Variants in VWDE observed in about 807,000 individuals in gnomAD.
The protein encoded by VWDE is von Willebrand factor D and EGF domain-containing protein.
VWDE carries 207 observed loss-of-function variants against 178.4 expected under a neutral mutation model. The ratio of observed to expected loss-of-function variants is 1.16; its 90% CI spans 1.04 to 1.30. The LOEUF (loss-of-function observed/expected upper bound fraction) is 1.30, where lower values mean the gene tolerates loss of function less well. Ranked by LOEUF, VWDE falls within the 50% of genes most tolerant of loss-of-function variation. The pLI, the probability that VWDE is intolerant of heterozygous loss-of-function variation, is 0.00. For synonymous variants in VWDE, 738 were observed against 651.4 expected, an observed-to-expected ratio of 1.13 and a Z score of -2.02; for missense variants, 2,287 against 1,901.3, an observed-to-expected ratio of 1.20 and a Z score of -3.77.
rs775819907 is a variant in VWDE at position 12,377,913 on chromosome 7, G to A, written c.887C>T (p.Pro296Leu). 19 of 1,416,598 alleles carry A rather than the reference G, an allele frequency of 1.3e-5. No individual in the cohort carries two copies. The East Asian group carries it at 5.2e-4, about 39-fold the overall frequency. The allele number at this position is 1,416,598 out of a possible 1,614,324, so 87.8% of individuals were successfully genotyped here. A position where few individuals can be genotyped will look rare whatever the true frequency, so the allele number is the denominator to read the frequency against. ...ATCCTCTGATATAGTGCTCAATTCA[G>A]GCTGTAGCTGGTATAAGAAAATACG... ...QEFFAGFKLQ[P>L]ELSTISEDGK... is the part of the protein sequence containing the mutation. The change falls in exon 7 of 29, where the codon CCT becomes CTT. Residue 296 changes from proline to leucine, a missense_variant. Coordinates refer to ENST00000275358, the MANE Select transcript of VWDE (RefSeq NM_001135924.3).
At chr7:12,363,380 T>A (rs1782685012) in intron 13 of VWDE, among the ~76,000 whole-genome samples, 1 of 152,000 alleles carries the variant, frequency 6.6e-6, no homozygotes, top group African/African-American at 2.4e-5. Context: ...AAGAGCTAAA[T>A]CATAATGTGC....
intron 18 of VWDE, among the ~76,000 whole-genome samples, chr7:12,355,467 T>C (rs1420159860): frequency 6.6e-6 from 1 of 151,740 alleles, no homozygotes; most frequent in African/African-American, 2.4e-5. Context: ...AATATTCTGC[T>C]CAGTTCTACT....
intron 3 of VWDE, among the ~76,000 whole-genome samples, chr7:12,386,052 C>T (rs1001916024): frequency 7.3e-5 from 11 of 151,652 alleles, no homozygotes; most frequent in African/African-American, 2.7e-4. Context: ...TATGTTATTC[C>T]CTGGTGTGAA....
At chr7:12,374,888 G>T in intron 8 of VWDE, 122 bp downstream of exon 8, 3 of 1,172,712 alleles carry the variant, frequency 2.6e-6, no homozygotes, top group Non-Finnish European at 2.4e-6. Flanking sequence ...ATTGAAAATT[G>T]AATCATTTAA....
chr7:12,351,409 T>C (rs915764790), intron 19 of VWDE, among the ~76,000 whole-genome samples, 164 bp downstream of exon 19: 1 of 152,164 alleles, frequency 6.6e-6, no homozygotes, highest in African/African-American at 2.4e-5. Context: ...AGCCAGATGA[T>C]TGAATAGATT....
At chr7:12,378,775 T>C (rs956430385) in intron 6 of VWDE, among the ~76,000 whole-genome samples, 1 of 152,220 alleles carries the variant, frequency 6.6e-6, no homozygotes, top group Non-Finnish European at 1.5e-5. Flanking sequence ...TGTGTGTACA[T>C]GGACTTTATT....
At chr7:12,372,699 T>A (rs1218477193) in intron 10 of VWDE, among the ~76,000 whole-genome samples, 2 of 152,116 alleles carry the variant, frequency 1.3e-5, no homozygotes, top group Admixed American at 1.3e-4. Context: ...TAATATACTA[T>A]TTATTACACG....
chr7:12,401,091 C>A (rs1784872072), intron 1 of VWDE, among the ~76,000 whole-genome samples: 2 of 152,000 alleles, frequency 1.3e-5, no homozygotes, highest in Admixed American at 1.3e-4. Flanking sequence ...ACGAAAATCC[C>A]ATAGCTTACA....
chr7:12,346,628 G>A (rs1781614473), intron 19 of VWDE, among the ~76,000 whole-genome samples: 1 of 151,028 alleles, frequency 6.6e-6, no homozygotes, highest in African/African-American at 2.4e-5. Context: ...GGGGCGGGGG[G>A]GATCATTATT....
chr7:12,379,546 G>A lies in VWDE; in HGVS notation c.810C>T (p.Val270=). The A allele has an allele frequency of 6.5e-7, 1 of 1,549,226 alleles. No individual in the cohort carries two copies. Among genetic ancestry groups the A allele is most frequent in the Non-Finnish European group, 8.7e-7 (1 of 1,145,982 alleles). ...LGDRIFCSAS[V]FFLENPHVQS... ...GTACATGAGGATTCTCCAAGAAAAA[G>A]ACAGAAGCGCTGCAGAATATCTATG... The change falls in exon 6 of 29, where the codon GTC becomes GTT. Residue 270 remains valine (V), a synonymous_variant. Coordinates refer to ENST00000275358, the MANE Select transcript of VWDE (RefSeq NM_001135924.3).
chr7:12,345,463 G>A (rs1218938054), intron 19 of VWDE, among the ~76,000 whole-genome samples: 1 of 152,120 alleles, frequency 6.6e-6, no homozygotes, highest in Non-Finnish European at 1.5e-5. Flanking sequence ...ATCTGAGCTT[G>A]GCACACAGGA....
chr7:12,389,222 C>G lies in VWDE; in HGVS notation c.380G>C (p.Cys127Ser). 1 of 1,551,674 alleles carries G rather than the reference C, an allele frequency of 6.4e-7. No homozygotes were observed. The highest frequency in any genetic ancestry group is 8.7e-7 in the Non-Finnish European group (1 of 1,147,006). Residue 127 changes from cysteine to serine, a missense_variant, in exon 3 of 29, where the codon TGT becomes TCT. Cys to Ser is a moderately radical substitution (Grantham distance 112). Transcript: ENST00000275358. Reference protein sequence around the residue: ...QFLFSTTKDCCLFQIPVSVRN... With the variant: ...QFLFSTTKDCSLFQIPVSVRN... ...TACAGACACTGGGATTTGAAAGAGACAGCAGTCTTTTGTAGTGCTGAACAA... is the reference window on the plus strand; with the variant it reads ...TACAGACACTGGGATTTGAAAGAGAGAGCAGTCTTTTGTAGTGCTGAACAA...
chr7:12,378,080 C>A (rs1783639108), intron 6 of VWDE, among the ~76,000 whole-genome samples, 160 bp from the exon 7 acceptor site: 1 of 152,102 alleles, frequency 6.6e-6, no homozygotes, highest in African/African-American at 2.4e-5. Flanking sequence ...CAAACTTATA[C>A]AAATACAAGC....
intron 24 of VWDE, among the ~76,000 whole-genome samples, chr7:12,338,140 C>G (rs1373609940): frequency 6.6e-6 from 1 of 151,932 alleles, no homozygotes; most frequent in Non-Finnish European, 1.5e-5. Flanking sequence ...TTCTTTATTT[C>G]CAAACACTGT....
At chr7:12,336,295 A>C (rs1360528534) in intron 26 of VWDE, 59 bp from the exon 27 acceptor site, 1 of 1,374,988 alleles carries the variant, frequency 7.3e-7, no homozygotes, top group African/African-American at 1.5e-5. Flanking sequence ...TCCTATCCAT[A>C]ACCCACAAAA....
intron 13 of VWDE, among the ~76,000 whole-genome samples, chr7:12,362,336 C>G (rs113543226): frequency 1.3e-5 from 2 of 152,050 alleles, no homozygotes; most frequent in African/African-American, 4.8e-5. Flanking sequence ...ATTCTTGATT[C>G]TCTAAGAAAT....
intron 19 of VWDE, among the ~76,000 whole-genome samples, chr7:12,350,808 G>T (rs1264809393): frequency 1.3e-5 from 2 of 152,046 alleles, no homozygotes; most frequent in African/African-American, 2.4e-5. Context: ...ATTGAATGAG[G>T]TAAGATACAA....
At chr7:12,374,794 A>T in intron 8 of VWDE, 32 bp from the exon 9 acceptor site, 1 of 1,370,398 alleles carries the variant, frequency 7.3e-7, no homozygotes, top group Non-Finnish European at 1.0e-6. Flanking sequence ...GGTAAATATT[A>T]CCATTAATTA....
intron 18 of VWDE, among the ~76,000 whole-genome samples, chr7:12,352,479 T>C (rs1290545719): frequency 6.6e-6 from 1 of 152,202 alleles, no homozygotes; most frequent in Non-Finnish European, 1.5e-5. Context: ...TTAAGAAACA[T>C]ATTTAGTCAC....
Sources: allele counts gnomAD v4.1 joint callset (sites outside exome capture counted in the v4.1 genomes callset), GRCh38; gene constraint gnomAD v4.1.1; transcripts MANE v1.5; gene names NCBI Gene and HGNC (gene_info 2026-07-23, HGNC 2026-07-21).